MOK: variants seen among roughly 807,000 people sequenced by gnomAD.
MOK encodes MOK protein kinase, also known as MAPK/MAK/MRK overlapping kinase.
MOK carries 59 observed loss-of-function variants against 54.2 expected under a neutral mutation model. That is an observed-to-expected ratio of 1.09 (90% CI 0.88 to 1.35). The LOEUF (loss-of-function observed/expected upper bound fraction) is 1.35, where lower values mean the gene tolerates loss of function less well. Ranked by LOEUF, MOK falls within the 40% of genes most tolerant of loss-of-function variation. The pLI is 0.00. For synonymous variants in MOK, 210 were observed against 202.7 expected, an observed-to-expected ratio of 1.04 and a Z score of -0.31; for missense variants, 517 against 526.2, an observed-to-expected ratio of 0.98 and a Z score of 0.17.
rs892571671 is a variant in MOK, at chr14:102,249,245, G to A, written c.590+1567C>T. ...CAGCATGATGTCTGTGGTGAAATGTGACTAATTCACAGTAACCGTGATAAA... is the reference window on the plus strand; with the variant it reads ...CAGCATGATGTCTGTGGTGAAATGTAACTAATTCACAGTAACCGTGATAAA... On this transcript the variant is annotated intron_variant, in intron 7 of 11. Coordinates refer to ENST00000361847, the MANE Select transcript of MOK (RefSeq NM_014226.3). The surrounding 1 kb of genome is among the most constrained non-coding windows in gnomAD (Gnocchi z 5.3). 6.6e-5 allele frequency among the ~76,000 whole-genome samples: 10 copies of A among 152,156 alleles called. No homozygotes were observed. Among genetic ancestry groups the A allele is most frequent in the African/African-American group, 2.2e-4 (9 of 41,416 alleles).
intron 7 of MOK, among the ~76,000 whole-genome samples, chr14:102,248,996 C>T (rs1241882506): frequency 6.6e-6 from 1 of 151,714 alleles, no homozygotes; most frequent in African/African-American, 2.4e-5. Context: ...CTAGTCCCCT[C>T]GACCAGGCAG....
chr14:102,291,694 C>T (rs1043999184), intron 1 of MOK, among the ~76,000 whole-genome samples: 1 of 152,148 alleles, frequency 6.6e-6, no homozygotes, highest in Admixed American at 6.6e-5. Flanking sequence ...CGGTGGCTCA[C>T]ACCTGTAATC....
intron 2 of MOK, among the ~76,000 whole-genome samples, chr14:102,277,883 A>C (rs1260893868): frequency 6.6e-6 from 1 of 152,208 alleles, no homozygotes; most frequent in South Asian, 2.1e-4. Context: ...AAAAAACTGT[A>C]TAACGTTATA....
chr14:102,268,758 T>TA (rs1288077613), intron 2 of MOK, among the ~76,000 whole-genome samples: 8 of 151,760 alleles, frequency 5.3e-5, no homozygotes, highest in Admixed American at 2.6e-4. Context: ...TACTAAAAAA[T>TA]ACAAAAAATT....
At chr14:102,270,468 C>A (rs1026193513) in intron 2 of MOK, among the ~76,000 whole-genome samples, 2 of 151,958 alleles carry the variant, frequency 1.3e-5, no homozygotes, top group Admixed American at 1.3e-4. Context: ...AGCGTGGTGG[C>A]AGGGTGCCTG....
chr14:102,225,926 T>C (rs925667602), downstream of MOK: 22 of 218,152 alleles, frequency 1.0e-4, no homozygotes, highest in African/African-American at 5.2e-4. Flanking sequence ...TGCCTTGCAC[T>C]TTCTTACACT....
intron 4 of MOK, among the ~76,000 whole-genome samples, chr14:102,260,368 C>T (rs749188497): frequency 4.6e-5 from 7 of 151,946 alleles, no homozygotes; most frequent in African/African-American, 1.2e-4. Flanking sequence ...ATAACCGTAT[C>T]TGCCTGACAG....
chr14:102,222,766 C>T (rs571317617), downstream of MOK: 26 of 1,582,508 alleles, frequency 1.6e-5, no homozygotes, highest in South Asian at 1.9e-4. This position sits in a 1 kb window ranked among gnomAD's most constrained non-coding sequence, Gnocchi z 4.4. Context: ...TGGCGGAGGG[C>T]GCGCATGGTG....
At chr14:102,233,390 C>G (rs2064920811) in intron 8 of MOK, 2 of 331,106 alleles carry the variant, frequency 6.0e-6, no homozygotes, top group Non-Finnish European at 1.1e-5. Context: ...CGTTTCCACC[C>G]AAAGGCTTCT....
chr14:102,277,433 T>C (rs946815809), intron 2 of MOK: 1 of 151,998 alleles, frequency 6.6e-6, no homozygotes, highest in African/African-American at 2.4e-5. Flanking sequence ...GACGAGCCTG[T>C]CCAGTGAAAC....
intron 1 of MOK, among the ~76,000 whole-genome samples, chr14:102,297,791 T>C (rs1009976659): frequency 2.2e-4 from 34 of 152,118 alleles, no homozygotes; most frequent in Non-Finnish European, 2.8e-4. Flanking sequence ...GGCCAGCTGG[T>C]GCTGCTGGCC....
intron 8 of MOK, chr14:102,233,133 T>C (rs2064890343): frequency 6.4e-6 from 1 of 155,206 alleles, no homozygotes. Flanking sequence ...AAGAATGAAA[T>C]AAAATTTAAC....
chr14:102,215,616 C>T, the MOK span, among the ~76,000 whole-genome samples: 1 of 152,194 alleles, frequency 6.6e-6, no homozygotes, highest in African/African-American at 2.4e-5. Context: ...TGCTCTCCCT[C>T]CCCTTGCCCC....
chr14:102,268,349 C>T (rs1305003870), intron 2 of MOK, among the ~76,000 whole-genome samples: 1 of 151,708 alleles, frequency 6.6e-6, no homozygotes, highest in Non-Finnish European at 1.5e-5. Context: ...CAAATCAACT[C>T]TGTCCCCTCT....
chr14:102,258,320 C>T (rs2067131518), intron 4 of MOK, among the ~76,000 whole-genome samples: 1 of 152,198 alleles, frequency 6.6e-6, no homozygotes, highest in Admixed American at 6.5e-5. Context: ...GCCACATGGG[C>T]CTCTTCCCTC....
the MOK span, chr14:102,214,941 T>C: frequency 1.0e-6 from 1 of 985,390 alleles, no homozygotes; most frequent in Non-Finnish European, 1.2e-6. Flanking sequence ...CTTGATATTC[T>C]GAAGTACTGT....
At chr14:102,217,253 G>T in the MOK span, among the ~76,000 whole-genome samples, 4 of 152,180 alleles carry the variant, frequency 2.6e-5, no homozygotes, top group Admixed American at 2.6e-4. Context: ...AGCCCGGGCC[G>T]GTGCTGGTCT....
intron 2 of MOK, among the ~76,000 whole-genome samples, chr14:102,273,157 A>G (rs190132017): frequency 3.7e-4 from 57 of 152,024 alleles, no homozygotes; most frequent in African/African-American, 1.2e-3. Flanking sequence ...GCAACAGAGC[A>G]AAACTCCGTC....
chr14:102,229,913 G>C (rs2064515387), intron 10 of MOK: 2 of 464,268 alleles, frequency 4.3e-6, no homozygotes, highest in Non-Finnish European at 7.6e-6. Flanking sequence ...GCGGCAAAGG[G>C]CTCGCGGGCT....
Sources: gnomAD v4.1 joint callset for allele counts (sites outside exome capture counted in the v4.1 genomes callset) on GRCh38, gnomAD v4.1.1 for gene constraint, Gnocchi (gnomAD v3.1) non-coding constraint, MANE v1.5 for transcripts, NCBI Gene and HGNC (gene_info 2026-07-23, HGNC 2026-07-21) for gene names.